Variants in PTPRK observed in about 807,000 individuals in gnomAD.
The protein encoded by PTPRK is receptor-type tyrosine-protein phosphatase kappa.
Under a neutral mutation model 178.0 loss-of-function variants are expected in PTPRK, and 75 were observed. The ratio of observed to expected loss-of-function variants is 0.42; its 90% confidence interval spans 0.35 to 0.51. The LOEUF is 0.51. Ranked by LOEUF, PTPRK falls within the 20% of genes least tolerant of loss-of-function variation. The probability of loss-of-function intolerance (pLI) is 0.02; values close to 1 mark genes in which losing one functional copy is unlikely to be tolerated. For synonymous variants in PTPRK, 637 were observed against 620.6 expected (o/e 1.03, Z -0.39); for missense variants, 1,441 against 1,797.8 (o/e 0.80, Z 3.59).
intron 3 of PTPRK, among the ~76,000 whole-genome samples, chr6:128,251,914 G>T (rs1250695435): frequency 6.6e-6 from 1 of 152,118 alleles, no homozygotes; most frequent in Admixed American, 6.6e-5. Context: ...TTATCTAACA[G>T]GGATGACATC....
At chr6:128,495,248 C>A (rs1854485121) in intron 1 of PTPRK, among the ~76,000 whole-genome samples, 2 of 152,044 alleles carry the variant, frequency 1.3e-5, no homozygotes, top group Non-Finnish European at 2.9e-5. Context: ...GGGGTAAGGA[C>A]CCAGTTGTTT....
intron 1 of PTPRK, among the ~76,000 whole-genome samples, chr6:128,409,121 G>T (rs1842012984): frequency 6.6e-6 from 1 of 152,060 alleles, no homozygotes; most frequent in Non-Finnish European, 1.5e-5. Context: ...GCAATTTAGT[G>T]GATTAAGAAA....
intron 2 of PTPRK, among the ~76,000 whole-genome samples, chr6:128,383,916 A>T (rs1270397760): frequency 3.3e-5 from 5 of 152,234 alleles, no homozygotes; most frequent in Admixed American, 3.3e-4. Flanking sequence ...TCTATAAAAC[A>T]TTAAGTTAAA....
chr6:128,487,179 G>A (rs975337364), intron 1 of PTPRK, among the ~76,000 whole-genome samples: 1 of 144,092 alleles, frequency 6.9e-6, no homozygotes, highest in Admixed American at 7.4e-5. Context: ...ATTTTACAAT[G>A]TTCACTACCT....
At chr6:128,090,821 T>C (rs748502565) in intron 7 of PTPRK, among the ~76,000 whole-genome samples, 2 of 152,130 alleles carry the variant, frequency 1.3e-5, no homozygotes, top group African/African-American at 2.4e-5. Flanking sequence ...CATGGCAACA[T>C]CTACAGAGTA....
intron 1 of PTPRK, among the ~76,000 whole-genome samples, chr6:128,505,111 T>G (rs1856131017): frequency 6.6e-6 from 1 of 150,500 alleles, no homozygotes; most frequent in Non-Finnish European, 1.5e-5. Context: ...TTACTTGTTT[T>G]TTTTTTTTTT....
chr6:127,984,640 T>C lies in PTPRK; in HGVS notation c.3251+1081A>G, dbSNP rs117511015. On this transcript the variant is annotated intron_variant, in intron 22 of 29. Coordinates refer to ENST00000368226, the MANE Select transcript of PTPRK (RefSeq NM_002844.4). ...AAACCTATTTATCTCATTTTCTAAG[T>C]GCTTAGATAGGCTAGTAACATTATT... 3.5e-3 allele frequency among the ~76,000 whole-genome samples: 530 copies of C among 152,318 alleles called. 4 individuals carry two copies. The highest frequency in any genetic ancestry group is 5.8e-3 in the Non-Finnish European group (392 of 68,014).
intron 13 of PTPRK, among the ~76,000 whole-genome samples, chr6:128,061,060 T>C (rs953184494): frequency 3.9e-5 from 6 of 152,196 alleles, no homozygotes; most frequent in Non-Finnish European, 8.8e-5. Context: ...CCCTGGCATA[T>C]AGTGATGTAT....
At chr6:128,050,378 G>A (rs1185451256) in intron 13 of PTPRK, among the ~76,000 whole-genome samples, 1 of 152,066 alleles carries the variant, frequency 6.6e-6, no homozygotes, top group African/African-American at 2.4e-5. Context: ...TCATATTTTA[G>A]AACAATTCTG....
intron 21 of PTPRK, among the ~76,000 whole-genome samples, chr6:127,987,569 A>G (rs1776123126): frequency 6.6e-6 from 1 of 152,066 alleles, no homozygotes; most frequent in Non-Finnish European, 1.5e-5. Context: ...ATTTATGCAG[A>G]TTTGGTCATT....
At chr6:128,516,623 G>A (rs954055633) in intron 1 of PTPRK, among the ~76,000 whole-genome samples, 1 of 152,178 alleles carries the variant, frequency 6.6e-6, no homozygotes, top group Non-Finnish European at 1.5e-5. Flanking sequence ...TACTGCTCAG[G>A]TGCTGCTTAG....
intron 7 of PTPRK, among the ~76,000 whole-genome samples, chr6:128,110,503 A>G (rs1235355041): frequency 1.3e-5 from 2 of 152,122 alleles, no homozygotes; most frequent in Non-Finnish European, 2.9e-5. Flanking sequence ...AAAAGGCTCC[A>G]TATCTTTTGG....
chr6:128,067,856 T>C (rs922657797), intron 11 of PTPRK, 64 bp from the exon 12 acceptor site: 99 of 1,402,188 alleles, frequency 7.1e-5, no homozygotes, highest in Middle Eastern at 5.7e-4. Context: ...TTTAAGATAC[T>C]AAGATTTTTT....
Position 128,082,467 on chromosome 6 carries a change from T to C in PTPRK, c.1747A>G (p.Thr583Ala). The C allele has an allele frequency of 1.2e-6, 2 of 1,612,778 alleles. No homozygotes were observed. The highest frequency in any genetic ancestry group is 1.7e-6 in the Non-Finnish European group (2 of 1,178,920). The change falls in exon 10 of 30, where the codon ACA becomes GCA. Residue 583 changes from threonine to alanine, a missense_variant. Coordinates refer to ENST00000368226, the MANE Select transcript of PTPRK (RefSeq NM_002844.4). ...ASTVKGFGPA[T>A]AINVTTNISA... ...ATATTGGTGGTGACATTGATGGCTG[T>C]GGCTGGACCAAAGCCTTTGACCGTG...
At chr6:128,110,587 A>C (rs1296235448) in intron 7 of PTPRK, among the ~76,000 whole-genome samples, 1 of 152,072 alleles carries the variant, frequency 6.6e-6, no homozygotes. Context: ...ATATTTATGC[A>C]GAAGGGAAAG....
intron 3 of PTPRK, among the ~76,000 whole-genome samples, chr6:128,256,638 G>A (rs903758291): frequency 2.6e-5 from 4 of 151,626 alleles, no homozygotes; most frequent in East Asian, 3.9e-4. Flanking sequence ...GGGTTTCACC[G>A]TGTTGGTCAG....
chr6:128,070,143 T>C (rs1782568072), intron 11 of PTPRK, among the ~76,000 whole-genome samples: 1 of 152,140 alleles, frequency 6.6e-6, no homozygotes, highest in African/African-American at 2.4e-5. Flanking sequence ...ATCTTTTCTC[T>C]ACCAATATTA....
At chr6:128,285,024 A>G (rs1172953268) in intron 3 of PTPRK, among the ~76,000 whole-genome samples, 2 of 152,164 alleles carry the variant, frequency 1.3e-5, no homozygotes, top group African/African-American at 4.8e-5. Flanking sequence ...TGGAGACCTT[A>G]TTATTTCTCA....
chr6:128,069,808 T>C (rs1479235197), intron 11 of PTPRK, among the ~76,000 whole-genome samples: 1 of 152,100 alleles, frequency 6.6e-6, no homozygotes, highest in African/African-American at 2.4e-5. Context: ...AAATTAAGGA[T>C]ACTTCATGCA....
Sources: allele counts gnomAD v4.1 joint callset (sites outside exome capture counted in the v4.1 genomes callset), GRCh38; gene constraint gnomAD v4.1.1; transcripts MANE v1.5; gene names NCBI Gene and HGNC (gene_info 2026-07-23, HGNC 2026-07-21).